F11: variants seen among roughly 807,000 people sequenced by gnomAD.
F11 encodes coagulation factor XI, also known as coagualtion factor XI.
A neutral mutation model predicts 76.5 loss-of-function variants in F11; 78 were observed. The ratio of observed to expected loss-of-function variants is 1.02; its 90% CI spans 0.85 to 1.23. The LOEUF is 1.23. Ranked by LOEUF, F11 falls within the 50% of genes most tolerant of loss-of-function variation. F11 has a pLI of 0.00. For missense variants in F11, 742 were observed against 771.4 expected, an observed-to-expected ratio of 0.96 and a Z score of 0.45; for synonymous variants, 278 against 276.3, an observed-to-expected ratio of 1.01 and a Z score of -0.06.
chr4:186,279,681 C>G (rs1018318118), intron 7 of F11, among the ~76,000 whole-genome samples: 19 of 152,054 alleles, frequency 1.2e-4, no homozygotes, highest in African/African-American at 4.4e-4. Context: ...TTCTAGGTAG[C>G]ATGAAGACTC....
rs573010737 is a variant in F11 at position 186,288,290 on chromosome 4, A to G, written c.1717-163A>G. On this transcript the variant is annotated intron_variant, in intron 14 of 14. Transcript: ENST00000403665. The stretch of plus-strand genomic sequence containing the variant: ...ATTTGTTTGACTTAGACTGAAATCA[A>G]AAGCAAGGAGATTGACTGGATGAAC... The G allele has an allele frequency of 1.1e-5, 9 of 808,520 alleles. No homozygotes were observed. In the East Asian group the frequency reaches 2.0e-4, roughly 18 times the overall value. The allele number at this position is 808,520 out of a possible 1,614,324, so 50.1% of individuals were successfully genotyped here. A position where few individuals can be genotyped will look rare whatever the true frequency, so the allele number is the denominator to read the frequency against.
rs150836045 is a variant in F11, at chr4:186,268,660, C to T, written c.55+1469C>T. Among the ~76,000 whole-genome samples, 8 of 151,662 alleles carry T rather than the reference C, an allele frequency of 5.3e-5. No homozygotes were observed. The East Asian group carries it at 1.6e-3, about 29-fold the overall frequency. On this transcript the variant is annotated intron_variant, in intron 2 of 14. Coordinates refer to ENST00000403665, the MANE Select transcript of F11 (RefSeq NM_000128.4). The stretch of plus-strand genomic sequence containing the variant: ...TAATAAAAAGGGAATTGAAAATCTG[C>T]AAATGTTTGAAAATTGAGTATTTAT...
intron 2 of F11, among the ~76,000 whole-genome samples, chr4:186,269,365 G>A (rs1385397358): frequency 6.6e-6 from 1 of 152,174 alleles, no homozygotes; most frequent in Non-Finnish European, 1.5e-5. Context: ...TTTATCAACA[G>A]GTGACTGGAT....
chr4:186,289,823 C>T (rs959626832), downstream of F11, among the ~76,000 whole-genome samples: 1 of 151,968 alleles, frequency 6.6e-6, no homozygotes, highest in Non-Finnish European at 1.5e-5. Flanking sequence ...GCTGAGATTA[C>T]AGGCACATGC....
chr4:186,276,581 TC>T (rs1237916645), intron 7 of F11, among the ~76,000 whole-genome samples, 191 bp downstream of exon 7: 12 of 120,488 alleles, frequency 1.0e-4, no homozygotes, highest in Non-Finnish European at 1.5e-4. Flanking sequence ...TACCGAGGAC[TC>T]TTTTTTTTTT....
chr4:186,270,774 G>T (rs1380281269), intron 2 of F11, among the ~76,000 whole-genome samples: 5 of 151,838 alleles, frequency 3.3e-5, no homozygotes, highest in Non-Finnish European at 5.9e-5. Context: ...GCTCACTGCA[G>T]CCTCAAACTC....
Position 186,271,651 on chromosome 4 carries a change from G to A in F11, c.98G>A (p.Gly33Glu), listed in dbSNP as rs764869222. 6 of 1,614,136 alleles carry A rather than the reference G, an allele frequency of 3.7e-6. No homozygotes were observed. The South Asian group carries it at 6.6e-5, about 18-fold the overall frequency. The change falls in exon 3 of 15, where the codon GGG becomes GAG. Residue 33 changes from glycine to glutamate, a missense_variant. By Grantham distance (98) the Gly-to-Glu change is moderately conservative. Transcript: ENST00000403665. ...TTGAAGGACACCTGCTTTGAAGGAG[G>A]GGACATTACTACGGTCTTCACACCA... ...QLLKDTCFEG[G>E]DITTVFTPSA...
rs1354841888 is a variant in F11 at position 186,287,936 on chromosome 4, G to A, written c.1716+113G>A. On this transcript the variant is annotated intron_variant, in intron 14 of 14. Transcript: ENST00000403665. ...TTGTTTTTTTTTGAGACAGAGTCTC[G>A]CTCTGTTGCCCAGGCTGGAGTGCAG... 54 of 1,276,096 alleles carry A rather than the reference G, an allele frequency of 4.2e-5. 2 individuals are homozygous for A. In the Admixed American group the frequency reaches 7.4e-4, roughly 17 times the overall value. The allele number at this position is 1,276,096 out of a possible 1,614,324, so 79.0% of individuals were successfully genotyped here.
At position 186,280,058 on chromosome 4, in the gene F11, C is replaced by A; in HGVS notation, c.802C>A (p.Arg268Ser). The change falls in exon 8 of 15, where the codon CGC becomes AGC. Residue 268 changes from arginine to serine, a missense_variant. Physicochemically the swap from Arg to Ser is moderately radical, Grantham distance 110. Transcript: ENST00000403665. ...KTSESGLPST[R>S]IKKSKALSGF... ...ATCTGAGAGTGGATTGCCCAGTACA[C>A]GCATTAAAAAGAGCAAAGCTCTTTC... The A allele has an allele frequency of 6.2e-7, 1 of 1,614,106 alleles. No individual in the cohort carries two copies. Among genetic ancestry groups the A allele is most frequent in the South Asian group, 1.1e-5 (1 of 91,080 alleles).
At chr4:186,281,806 G>C (rs1051290413) in intron 10 of F11, 37 of 1,021,352 alleles carry the variant, frequency 3.6e-5, no homozygotes, top group Middle Eastern at 5.3e-4. Flanking sequence ...AAAACATTCT[G>C]TGTCAGATTA....
intron 3 of F11, 67 bp from the exon 4 acceptor site, chr4:186,273,004 C>A (rs1580072865): frequency 9.2e-7 from 1 of 1,086,364 alleles, no homozygotes; most frequent in Non-Finnish European, 1.4e-6. Context: ...TGTGTGCTGA[C>A]TTTTAAGATC....
At position 186,280,269 on chromosome 4, in the gene F11, A is replaced by G; in HGVS notation, c.912A>G (p.Glu304=). Residue 304 remains glutamate, a synonymous_variant, in exon 9 of 15, where the codon GAA becomes GAG. Transcript: ENST00000403665. ...ACCATGACACTGATTTCTTGGGAGA[A>G]GAACTGGATATTGTTGCTGCAAAAA... ...SFYHDTDFLG[E]ELDIVAAKSH... 6.2e-7 allele frequency: 1 copy of G among 1,614,214 alleles called. No individual in the cohort carries two copies. The highest frequency in any genetic ancestry group is 1.1e-5 in the South Asian group (1 of 91,086).
At position 186,271,732 on chromosome 4, in the gene F11, C is replaced by G; in HGVS notation, c.179C>G (p.Thr60Ser). 6.2e-7 allele frequency: 1 copy of G among 1,614,232 alleles called. No homozygotes were observed. The change falls in exon 3 of 15, where the codon ACT becomes AGT. Residue 60 changes from threonine (T) to serine (S), a missense_variant. Transcript: ENST00000403665. ...CTYHPRCLLF[T>S]FTAESPSEDP... ...TACCACCCAAGATGTTTACTCTTCACTTTCACGGCGGAATCACCATCTGAG... is the reference window on the plus strand; with the variant it reads ...TACCACCCAAGATGTTTACTCTTCAGTTTCACGGCGGAATCACCATCTGAG...
intron 7 of F11, among the ~76,000 whole-genome samples, chr4:186,277,531 GAC>G (rs1176206075): frequency 1.3e-5 from 2 of 152,112 alleles, no homozygotes; most frequent in Non-Finnish European, 2.9e-5. Flanking sequence ...ACAACTAAAA[GAC>G]AATTCAGTCC....
At position 186,287,182 on chromosome 4, in the gene F11, G is replaced by A. The variant is rs559444069; in HGVS notation, c.1577-502G>A. Among the ~76,000 whole-genome samples the A allele has an allele frequency of 2.6e-4, 40 of 151,868 alleles. No individual in the cohort carries two copies. In the East Asian group the frequency reaches 6.9e-3, roughly 26 times the overall value. ...GTAGAGACGGGGTTTCATCATGTTA[G>A]CCAGGATGGTCTCAATCTCCTGACC... On this transcript the variant is annotated intron_variant, in intron 13 of 14. Transcript: ENST00000403665.
chr4:186,285,216 G>A (rs1741097064), intron 11 of F11, among the ~76,000 whole-genome samples: 1 of 152,152 alleles, frequency 6.6e-6, no homozygotes, highest in South Asian at 2.1e-4. Context: ...ACACATGTGA[G>A]GCCAAGAGTT....
Position 186,288,921 on chromosome 4 carries a change from C to T in F11, c.*307C>T, listed in dbSNP as rs768757714. ...TATAGGCAGATATAGCAGAAAATAA[C>T]CAAGTAGTGGCAGTGGGGATCAGGC... On this transcript the variant is annotated 3_prime_UTR_variant, in exon 15 of 15. Coordinates refer to ENST00000403665, the MANE Select transcript of F11 (RefSeq NM_000128.4). The T allele has an allele frequency of 2.0e-5, 7 of 356,422 alleles. No homozygotes were observed. Among genetic ancestry groups the T allele is most frequent in the Non-Finnish European group, 3.8e-5 (7 of 184,738 alleles). 22.1% of individuals were successfully genotyped at this position (356,422 alleles called of 1,614,324 possible).
At chr4:186,285,397 CGT>C (rs377511129) in intron 11 of F11, among the ~76,000 whole-genome samples, 2 of 151,026 alleles carry the variant, frequency 1.3e-5, no homozygotes, top group African/African-American at 4.9e-5. Context: ...CGGGTGTGTG[CGT>C]GTGTGTGTGT....
intron 14 of F11, among the ~76,000 whole-genome samples, chr4:186,288,102 C>G (rs189805890): frequency 6.6e-6 from 1 of 151,238 alleles, no homozygotes; most frequent in Non-Finnish European, 1.5e-5. Context: ...TTAGTAGAGA[C>G]GGGGTTTCAC....
Sources: gnomAD v4.1 joint callset for allele counts (sites outside exome capture counted in the v4.1 genomes callset) on GRCh38, gnomAD v4.1.1 for gene constraint, MANE v1.5 for transcripts, NCBI Gene and HGNC (gene_info 2026-07-23, HGNC 2026-07-21) for gene names.